The following LMBRD1 variants were observed in gnomAD, a reference collection of about 807,000 sequenced individuals.
LMBRD1 encodes lysosomal cobalamin transport escort protein LMBD1.
A neutral mutation model predicts 74.8 loss-of-function variants in LMBRD1; 64 were observed. The observed-to-expected ratio is 0.86, with a 90% CI of 0.70 to 1.05. The LOEUF is 1.05. LMBRD1 is among the 50% of genes least tolerant of loss of function. LMBRD1 has a pLI of 0.00. For synonymous variants in LMBRD1, 204 were observed against 216.3 expected (o/e 0.94, Z 0.50); for missense variants, 652 against 645.9 (o/e 1.01, Z -0.10).
In LMBRD1 at chr6:69,794,151, C is replaced by G. The variant is rs540872476; in HGVS notation, c.69+2662G>C. On this transcript the variant is annotated intron_variant, in intron 1 of 15. Transcript: ENST00000649934. Reference sequence around the variant, plus strand: ...TATTCTCATAATAAATACTAAGATGCTATTTGCCTTTTTCACTGTGCTGAC... The same window carrying G: ...TATTCTCATAATAAATACTAAGATGGTATTTGCCTTTTTCACTGTGCTGAC... Among the ~76,000 whole-genome samples the G allele has an allele frequency of 2.2e-4, 33 of 152,288 alleles. No individual in the cohort carries two copies. The South Asian group carries it at 6.8e-3, about 32-fold the overall frequency.
chr6:69,766,579 T>C (rs2149885501), intron 3 of LMBRD1, among the ~76,000 whole-genome samples: 1 of 152,038 alleles, frequency 6.6e-6, no homozygotes, highest in African/African-American at 2.4e-5. Flanking sequence ...TGTGTCTACA[T>C]TCATGAGGGA....
chr6:69,735,863 T>C (rs1379993063), intron 7 of LMBRD1, among the ~76,000 whole-genome samples: 1 of 152,186 alleles, frequency 6.6e-6, no homozygotes, highest in African/African-American at 2.4e-5. Flanking sequence ...TCTTGCTACC[T>C]CTCAATGAAA....
chr6:69,763,619 T>C (rs902621484), intron 3 of LMBRD1, among the ~76,000 whole-genome samples: 1 of 152,008 alleles, frequency 6.6e-6, no homozygotes, highest in Admixed American at 6.6e-5. Context: ...TGGGAGGGGA[T>C]TGTCTAGGTT....
chr6:69,771,994 C>CT (rs1765586714), intron 3 of LMBRD1, among the ~76,000 whole-genome samples: 1 of 152,130 alleles, frequency 6.6e-6, no homozygotes. Context: ...AAGGATGACT[C>CT]TAAGGTTTTC....
At chr6:69,703,455 C>CAAAA (rs530645065) in intron 9 of LMBRD1, among the ~76,000 whole-genome samples, 63 of 122,692 alleles carry the variant, frequency 5.1e-4, no homozygotes, top group African/African-American at 1.6e-3. Context: ...TCCATTTTGG[C>CAAAA]AAAAAAAAAA....
At chr6:69,697,524 TC>T in intron 14 of LMBRD1, 38 bp downstream of exon 14, 2 of 1,331,492 alleles carry the variant, frequency 1.5e-6, no homozygotes, top group Non-Finnish European at 2.2e-6. Context: ...GAAATTCTTT[TC>T]CTAAAAAGTT....
At chr6:69,718,670 T>C (rs927157438) in intron 8 of LMBRD1, among the ~76,000 whole-genome samples, 1 of 152,082 alleles carries the variant, frequency 6.6e-6, no homozygotes, top group Non-Finnish European at 1.5e-5. Flanking sequence ...TATAAAGCCA[T>C]CAAACCTCAT....
At chr6:69,707,802 A>T (rs1766294302) in intron 9 of LMBRD1, among the ~76,000 whole-genome samples, 1 of 152,094 alleles carries the variant, frequency 6.6e-6, no homozygotes, top group South Asian at 2.1e-4. Flanking sequence ...ACTGATGGAG[A>T]GCAAAAGAGA....
chr6:69,741,638 C>T, intron 6 of LMBRD1, 151 bp downstream of exon 6: 1 of 556,254 alleles, frequency 1.8e-6, no homozygotes, highest in East Asian at 3.2e-5. Flanking sequence ...CCCCCCACCC[C>T]TCGGCCTCCC....
chr6:69,742,348 T>C (rs922979943), intron 5 of LMBRD1, among the ~76,000 whole-genome samples: 6 of 152,150 alleles, frequency 3.9e-5, no homozygotes, highest in Non-Finnish European at 7.4e-5. Flanking sequence ...TATTACTTTC[T>C]TATTAGTATT....
chr6:69,704,085 A>C (rs1223498338), intron 9 of LMBRD1, among the ~76,000 whole-genome samples: 1 of 152,014 alleles, frequency 6.6e-6, no homozygotes, highest in East Asian at 1.9e-4. Flanking sequence ...AGTCATGTCT[A>C]TTTGCCCCAT....
At chr6:69,783,687 C>G (rs1472498981) in intron 2 of LMBRD1, among the ~76,000 whole-genome samples, 1 of 152,046 alleles carries the variant, frequency 6.6e-6, no homozygotes, top group African/African-American at 2.4e-5. Context: ...TGAAGATGAG[C>G]AAATTAAGAA....
intron 3 of LMBRD1, among the ~76,000 whole-genome samples, chr6:69,776,398 GC>G (rs1765705822): frequency 6.6e-6 from 1 of 152,100 alleles, no homozygotes; most frequent in Admixed American, 6.5e-5. Flanking sequence ...ATCTAAACTA[GC>G]ACCTAAACTG....
At position 69,674,361 on chromosome 6, in the gene LMBRD1, G is replaced by T. The variant is rs1765504273; in HGVS notation, c.*1797C>A. Among the ~76,000 whole-genome samples the T allele has an allele frequency of 6.6e-6, 1 of 152,174 alleles. No individual in the cohort carries two copies. The highest frequency in any genetic ancestry group is 2.1e-4 in the South Asian group (1 of 4,828). ...GGGACACAATTCAGCCTATAACATA[G>T]AAAGTGGAGAAGAAGGGACAAATGG... On this transcript the variant is annotated 3_prime_UTR_variant, in exon 16 of 16. Coordinates refer to ENST00000649934, the MANE Select transcript of LMBRD1 (RefSeq NM_018368.4).
chr6:69,742,230 T>G (rs1328884558), intron 5 of LMBRD1, among the ~76,000 whole-genome samples: 1 of 152,136 alleles, frequency 6.6e-6, no homozygotes, highest in African/African-American at 2.4e-5. Context: ...GTTAAGGACA[T>G]CTGTATTAAA....
At chr6:69,708,525 G>A (rs1766311426) in intron 9 of LMBRD1, among the ~76,000 whole-genome samples, 1 of 152,050 alleles carries the variant, frequency 6.6e-6, no homozygotes, top group South Asian at 2.1e-4. Flanking sequence ...TACAGAGTTG[G>A]TGAGGAGCAG....
chr6:69,710,721 G>GCATCT, intron 9 of LMBRD1, among the ~76,000 whole-genome samples: 1 of 152,074 alleles, frequency 6.6e-6, no homozygotes, highest in Non-Finnish European at 1.5e-5. Context: ...ACAAAAAGAT[G>GCATCT]CTAAATATCA....
rs759532420 is a variant in LMBRD1, at chr6:69,713,755, A to T, written c.805T>A (p.Leu269Ile). The change falls in exon 9 of 16, where the codon TTA (leucine) becomes ATA (isoleucine). Residue 269 changes from leucine (L) to isoleucine (I), a missense_variant. Around this residue, in one of 3 missense-constraint regions of LMBRD1, gnomAD observed 598 missense variants for 581.8 expected, o/e 1.03. Coordinates refer to ENST00000649934, the MANE Select transcript of LMBRD1 (RefSeq NM_018368.4). Reference protein sequence around the residue: ...RPLPARDKRALKQFEERLRTL... With the variant: ...RPLPARDKRAIKQFEERLRTL... ...CGTAACCTTTCTTCAAATTGTTTTAAGGCGCGTTTATCCCTTGCTGGCAAA... is the reference window on the plus strand; with the variant it reads ...CGTAACCTTTCTTCAAATTGTTTTATGGCGCGTTTATCCCTTGCTGGCAAA... The T allele has an allele frequency of 2.5e-6, 4 of 1,613,678 alleles. No individual in the cohort carries two copies. Among genetic ancestry groups the T allele is most frequent in the Non-Finnish European group, 3.4e-6 (4 of 1,179,714 alleles).
chr6:69,783,631 T>A (rs551320661), intron 2 of LMBRD1, among the ~76,000 whole-genome samples: 1 of 152,196 alleles, frequency 6.6e-6, no homozygotes, highest in African/African-American at 2.4e-5. Context: ...TGCCTCAGCC[T>A]CTAGGTTTAC....
Sources: allele counts gnomAD v4.1 joint callset (sites outside exome capture counted in the v4.1 genomes callset), GRCh38; gene constraint gnomAD v4.1.1; regional missense constraint gnomAD v4.1.1; transcripts MANE v1.5; gene names NCBI Gene and HGNC (gene_info 2026-07-23, HGNC 2026-07-21).